The following MN1 variants were observed in gnomAD, a reference collection of about 807,000 sequenced individuals.
MN1 encodes the protein transcriptional activator MN1.
A neutral mutation model predicts 86.9 loss-of-function variants in MN1; 19 were observed. That is an observed-to-expected ratio of 0.22 (90% CI 0.15 to 0.32). The LOEUF (loss-of-function observed/expected upper bound fraction) is 0.32. MN1 is among the 10% of genes least tolerant of loss of function. MN1 has a pLI of 1.00. For synonymous variants in MN1, 928 were observed against 849.6 expected (o/e 1.09, Z -1.60); for missense variants, 1,841 against 1,862.0 (o/e 0.99, Z 0.21).
chr22:27,753,891 T>C (rs1306395028), intron 1 of MN1, among the ~76,000 whole-genome samples: 1 of 152,178 alleles, frequency 6.6e-6, no homozygotes, highest in Non-Finnish European at 1.5e-5. Flanking sequence ...AGGAATTTTA[T>C]TCCAAGCACT....
rs771785043 is a variant in MN1, at chr22:27,800,467, G to T, written c.77C>A (p.Thr26Asn). The change falls in exon 1 of 2, where the codon ACC becomes AAC. Residue 26 changes from threonine (T) to asparagine (N), a missense_variant. Coordinates refer to ENST00000302326, the MANE Select transcript of MN1 (RefSeq NM_002430.3). ...AGQGERNFNE[T>N]GLSMNTHFKA... ...AAAGTGGGTGTTCATGCTCAGTCCG[G>T]TCTCGTTAAAGTTCCTCTCGCCCTG... 1 of 1,614,234 alleles carries T rather than the reference G, an allele frequency of 6.2e-7. No individual in the cohort carries two copies. Among genetic ancestry groups the T allele is most frequent in the Non-Finnish European group, 8.5e-7 (1 of 1,180,042 alleles).
At chr22:27,771,884 G>C (rs1932919946) in intron 1 of MN1, among the ~76,000 whole-genome samples, 1 of 152,222 alleles carries the variant, frequency 6.6e-6, no homozygotes, top group Admixed American at 6.5e-5. Flanking sequence ...CAGCTGGTGG[G>C]AAGTGTTGCT....
intron 1 of MN1, among the ~76,000 whole-genome samples, chr22:27,761,195 A>G (rs970153755): frequency 3.3e-5 from 5 of 149,800 alleles, no homozygotes; most frequent in African/African-American, 1.2e-4. Flanking sequence ...CCTCCTTTCA[A>G]TCTGTCTCGT....
intron 1 of MN1, among the ~76,000 whole-genome samples, chr22:27,757,316 T>G (rs1420296810): frequency 1.3e-5 from 2 of 152,208 alleles, no homozygotes; most frequent in Non-Finnish European, 2.9e-5. Context: ...ATTACAGGCG[T>G]GAGCCACCGC....
At position 27,800,424 on chromosome 22, in the gene MN1, G is replaced by A. The variant is rs1233322070; in HGVS notation, c.120C>T (p.His40=). Residue 40 remains histidine (H), a synonymous_variant, in exon 1 of 2, where the codon CAC becomes CAT. Transcript: ENST00000302326. The part of the protein sequence containing the change: ...MNTHFKAPAF[H]TGGPPGPVDP... ...CCACAGGGCCAGGGGGCCCCCCAGTGTGGAAAGCCGGGGCCTTAAAGTGGG... is the reference window on the plus strand; with the variant it reads ...CCACAGGGCCAGGGGGCCCCCCAGTATGGAAAGCCGGGGCCTTAAAGTGGG... 4 of 1,614,198 alleles carry A rather than the reference G, an allele frequency of 2.5e-6. No homozygotes were observed. The South Asian group carries it at 4.4e-5, about 18-fold the overall frequency.
Position 27,755,801 on chromosome 22 carries a change from G to A in MN1, c.3782-4705C>T, listed in dbSNP as rs550510293. Among the ~76,000 whole-genome samples the A allele has an allele frequency of 5.9e-5, 9 of 152,290 alleles. No individual in the cohort carries two copies. In the South Asian group the frequency reaches 1.9e-3, roughly 32 times the overall value. Reference sequence around the variant, plus strand: ...GAGACAGTCAGTTCCATTAAGGGAAGGAGAGAACCAGGAGCAGGTGCCAAA... The same window carrying A: ...GAGACAGTCAGTTCCATTAAGGGAAAGAGAGAACCAGGAGCAGGTGCCAAA... On this transcript the variant is annotated intron_variant, in intron 1 of 1. Transcript: ENST00000302326.
intron 1 of MN1, among the ~76,000 whole-genome samples, chr22:27,761,419 A>C (rs1601324833): frequency 3.6e-5 from 5 of 139,846 alleles, no homozygotes; most frequent in East Asian, 2.2e-4. Flanking sequence ...TCTCTCACAC[A>C]CACTTTTTGG....
intron 1 of MN1, among the ~76,000 whole-genome samples, chr22:27,762,266 T>C (rs1394723570): frequency 1.3e-5 from 2 of 152,196 alleles, no homozygotes; most frequent in East Asian, 1.9e-4. Context: ...CGCGTGCTTA[T>C]GCAAAAGCAC....
intron 1 of MN1, among the ~76,000 whole-genome samples, chr22:27,794,842 A>C (rs1294208779): frequency 3.6e-5 from 5 of 140,644 alleles, no homozygotes; most frequent in South Asian, 4.6e-4. Context: ...AACTTTTCTC[A>C]CCTCATTTTG....
At chr22:27,788,542 T>A (rs1933168057) in intron 1 of MN1, among the ~76,000 whole-genome samples, 1 of 151,520 alleles carries the variant, frequency 6.6e-6, no homozygotes, top group South Asian at 2.1e-4. Context: ...TCGCTGCCAA[T>A]CACTCAACAA....
chr22:27,775,362 G>C lies in MN1; in HGVS notation c.3781+21401C>G, dbSNP rs1194274781. Among the ~76,000 whole-genome samples, 3 of 152,260 alleles carry C rather than the reference G, an allele frequency of 2.0e-5. No homozygotes were observed. The East Asian group carries it at 5.8e-4, about 30-fold the overall frequency. ...GTGGCCAGGGGTTCTTGGTACGCAG[G>C]AATCGAGGGTTCAGAACTGGGAAAG... On this transcript the variant is annotated intron_variant, in intron 1 of 1. Coordinates refer to ENST00000302326, the MANE Select transcript of MN1 (RefSeq NM_002430.3).
chr22:27,755,206 C>T (rs1053338617), intron 1 of MN1, among the ~76,000 whole-genome samples: 4 of 152,226 alleles, frequency 2.6e-5, no homozygotes, highest in Non-Finnish European at 5.9e-5. Context: ...CTCCTGTCTG[C>T]AGAGCCACAG....
chr22:27,797,172 C>A lies in MN1; in HGVS notation c.3372G>T (p.Pro1124=). 3.8e-6 allele frequency: 6 copies of A among 1,559,002 alleles called. No homozygotes were observed. Among genetic ancestry groups the A allele is most frequent in the East Asian group, 2.4e-5 (1 of 41,714 alleles). ...TPDSYGGGGG[P]GHPGTPGLEQ... ...CCAGGCCCGGAGTGCCCGGATGGCC[C>A]GGGCCCCCACCGCCGCCGTAGCTGT... Residue 1124 remains proline (P), a synonymous_variant, in exon 1 of 2, where the codon CCG becomes CCT. Coordinates refer to ENST00000302326, the MANE Select transcript of MN1 (RefSeq NM_002430.3).
intron 1 of MN1, among the ~76,000 whole-genome samples, chr22:27,766,659 T>C (rs1442972659): frequency 6.6e-6 from 1 of 152,124 alleles, no homozygotes; most frequent in Non-Finnish European, 1.5e-5. Flanking sequence ...CAGCCCCTTG[T>C]CCCTGTGGTC....
intron 1 of MN1, among the ~76,000 whole-genome samples, chr22:27,788,215 G>A (rs144021276): frequency 2.6e-4 from 39 of 152,280 alleles, no homozygotes; most frequent in Non-Finnish European, 4.1e-4. Context: ...CCTATCCTGA[G>A]AAAATACGCC....
chr22:27,771,524 C>T (rs1932916121), intron 1 of MN1, among the ~76,000 whole-genome samples: 1 of 151,904 alleles, frequency 6.6e-6, no homozygotes. Context: ...GCCACCCTGG[C>T]CTTTTTTCAT....
intron 1 of MN1, among the ~76,000 whole-genome samples, chr22:27,769,133 C>T (rs1461092609): frequency 6.6e-6 from 1 of 152,166 alleles, no homozygotes; most frequent in Non-Finnish European, 1.5e-5. Flanking sequence ...TTATCAACCA[C>T]GCGGGGCTCC....
chr22:27,771,486 C>T (rs1007580779), intron 1 of MN1, among the ~76,000 whole-genome samples: 10 of 151,924 alleles, frequency 6.6e-5, no homozygotes, highest in Non-Finnish European at 7.4e-5. Flanking sequence ...CTCAGCCTCC[C>T]GAAGTGCTAG....
Position 27,795,459 on chromosome 22 carries a change from T to C in MN1, c.3781+1304A>G, listed in dbSNP as rs1601342413. Among the ~76,000 whole-genome samples, 5 of 151,532 alleles carry C rather than the reference T, an allele frequency of 3.3e-5. 1 individual carries two copies. The highest frequency in any genetic ancestry group is 3.3e-4 in the Admixed American group (5 of 15,212). ...AAGACATGGCAGGATGTGGGGAGGA[T>C]GAGGGAAACGAAGGCAGAGGAGGAA... On this transcript the variant is annotated intron_variant, in intron 1 of 1. Transcript: ENST00000302326.
Sources: gnomAD v4.1 joint callset for allele counts (sites outside exome capture counted in the v4.1 genomes callset) on GRCh38, gnomAD v4.1.1 for gene constraint, MANE v1.5 for transcripts, NCBI Gene and HGNC (gene_info 2026-07-23, HGNC 2026-07-21) for gene names.